The following SLC31A1 variants were observed in gnomAD, a reference collection of about 807,000 sequenced individuals.
SLC31A1 encodes solute carrier family 31 member 1.
Under a neutral mutation model 17.2 loss-of-function variants are expected in SLC31A1, and 5 were observed. The observed-to-expected ratio is 0.29, with a 90% CI of 0.15 to 0.61. The LOEUF is 0.61. Ranked by LOEUF, SLC31A1 falls within the 20% of genes least tolerant of loss-of-function variation. The pLI, the probability that SLC31A1 is intolerant of heterozygous loss-of-function variation, is 0.86. For missense variants in SLC31A1, 161 were observed against 241.4 expected (o/e 0.67, Z 2.21); for synonymous variants, 76 against 78.8 (o/e 0.96, Z 0.19).
chr9:113,236,180 G>A (rs371285919), intron 1 of SLC31A1, among the ~76,000 whole-genome samples: 2 of 152,060 alleles, frequency 1.3e-5, no homozygotes, highest in African/African-American at 2.4e-5. Context: ...TAGAGACAGC[G>A]TTTTGCCATG....
chr9:113,221,587 T>C lies in SLC31A1; in HGVS notation c.-127T>C. The C allele has an allele frequency of 2.4e-6, 1 of 422,548 alleles. No individual in the cohort carries two copies. Among genetic ancestry groups the C allele is most frequent in the East Asian group, 5.4e-5 (1 of 18,466 alleles). The allele number at this position is 422,548 out of a possible 1,614,324, so 26.2% of individuals were successfully genotyped here. On this transcript the variant is annotated 5_prime_UTR_variant, in exon 1 of 5. Transcript: ENST00000374212. ...GCGGTGGTGGACACGTCGAGCCGGG[T>C]AGAAGTGGAGGGGCCGTTCGAAGAG...
rs1266312390 is a variant in SLC31A1 at position 113,252,976 on chromosome 9, C to T, written c.-35-3138C>T. ...TTTCTTTTTTTTTTTTTTTTTGAGA[C>T]GGAGTCTTGCTCTGTAGCCCAAGCT... On this transcript the variant is annotated intron_variant, in intron 1 of 4. Coordinates refer to ENST00000374212, the MANE Select transcript of SLC31A1 (RefSeq NM_001859.4). Among the ~76,000 whole-genome samples, 4 of 118,472 alleles carry T rather than the reference C, an allele frequency of 3.4e-5. No homozygotes were observed. The East Asian group carries it at 7.6e-4, about 23-fold the overall frequency. 77.7% of individuals were successfully genotyped at this position (118,472 alleles called of 152,430 possible). A position where few individuals can be genotyped will look rare whatever the true frequency, so the allele number is the denominator to read the frequency against.
intron 1 of SLC31A1, among the ~76,000 whole-genome samples, chr9:113,228,560 ATCT>A (rs1395397428): frequency 2.6e-5 from 4 of 152,208 alleles, no homozygotes; most frequent in Admixed American, 6.5e-5. Flanking sequence ...TGTACACTTG[ATCT>A]TCTTTGTACA....
At chr9:113,251,826 G>A (rs769244517) in intron 1 of SLC31A1, among the ~76,000 whole-genome samples, 20 of 152,150 alleles carry the variant, frequency 1.3e-4, no homozygotes, top group South Asian at 2.1e-4. Context: ...TTTAGTGAGC[G>A]TAAGGACTTA....
intron 1 of SLC31A1, among the ~76,000 whole-genome samples, chr9:113,238,488 G>A (rs899692169): frequency 1.3e-5 from 2 of 152,196 alleles, no homozygotes; most frequent in Non-Finnish European, 2.9e-5. Context: ...AAGGCTGGGT[G>A]CGGTGGTTCA....
intron 1 of SLC31A1, 75 bp from the exon 2 acceptor site, chr9:113,256,039 C>T: frequency 8.8e-7 from 1 of 1,130,490 alleles, no homozygotes; most frequent in African/African-American, 1.6e-5. Flanking sequence ...AGCAAGATTC[C>T]ATCTCTAAAA....
chr9:113,249,704 A>T (rs1367535885), intron 1 of SLC31A1, among the ~76,000 whole-genome samples: 1 of 152,184 alleles, frequency 6.6e-6, no homozygotes, highest in Non-Finnish European at 1.5e-5. Context: ...TATAAGCTCA[A>T]CTTGGTAAAT....
chr9:113,241,677 C>T (rs1373265533), intron 1 of SLC31A1, among the ~76,000 whole-genome samples: 1 of 152,022 alleles, frequency 6.6e-6, no homozygotes, highest in Non-Finnish European at 1.5e-5. Flanking sequence ...CTTTGCAGAC[C>T]GAATTGTTTG....
At position 113,260,257 on chromosome 9, in the gene SLC31A1, C is replaced by G. The variant is rs1265765822; in HGVS notation, c.372-15C>G. Reference sequence around the variant, plus strand: ...CTAGGAGTCCCTGATTGTTGTGTCCCTGTTTACTCTCCAGGCAACAGATGC... The same window carrying G: ...CTAGGAGTCCCTGATTGTTGTGTCCGTGTTTACTCTCCAGGCAACAGATGC... On this transcript the variant is annotated splice_polypyrimidine_tract_variant and intron_variant, in intron 4 of 4. Coordinates refer to ENST00000374212, the MANE Select transcript of SLC31A1 (RefSeq NM_001859.4). 6.2e-7 allele frequency: 1 copy of G among 1,612,536 alleles called. No homozygotes were observed. The highest frequency in any genetic ancestry group is 8.5e-7 in the Non-Finnish European group (1 of 1,178,658).
chr9:113,230,890 T>C (rs758120253), intron 1 of SLC31A1, among the ~76,000 whole-genome samples: 2 of 152,142 alleles, frequency 1.3e-5, no homozygotes, highest in Non-Finnish European at 2.9e-5. Context: ...CCTCATTCTC[T>C]TTCTAGGTAC....
chr9:113,229,556 A>G (rs759056935), intron 1 of SLC31A1, among the ~76,000 whole-genome samples: 8 of 151,596 alleles, frequency 5.3e-5, no homozygotes, highest in Admixed American at 1.3e-4. Context: ...ATCAATGAAC[A>G]TTTAGGTTGT....
intron 1 of SLC31A1, among the ~76,000 whole-genome samples, chr9:113,222,206 A>G (rs1407452319): frequency 1.3e-5 from 2 of 152,170 alleles, no homozygotes; most frequent in Non-Finnish European, 2.9e-5. Flanking sequence ...CCTCGAGGAA[A>G]GTCCCCTTTC....
rs1244112503 is a variant in SLC31A1, at chr9:113,237,620, A to T, written c.-36+15942A>T. ...GCTTGAGGTCAGAATCAGGCTTCTA[A>T]TGATGACCACTAGACTAACTGCCCT... On this transcript the variant is annotated intron_variant, in intron 1 of 4. Coordinates refer to ENST00000374212, the MANE Select transcript of SLC31A1 (RefSeq NM_001859.4). Among the ~76,000 whole-genome samples, 3 of 152,224 alleles carry T rather than the reference A, an allele frequency of 2.0e-5. No individual in the cohort carries two copies. In the East Asian group the frequency reaches 5.8e-4, roughly 29 times the overall value.
chr9:113,249,236 A>T (rs1268368721), intron 1 of SLC31A1, among the ~76,000 whole-genome samples: 1 of 151,204 alleles, frequency 6.6e-6, no homozygotes, highest in Non-Finnish European at 1.5e-5. Flanking sequence ...TATTGCAAAG[A>T]TGATTCTCCA....
At chr9:113,248,936 T>A (rs1831615660) in intron 1 of SLC31A1, among the ~76,000 whole-genome samples, 1 of 152,210 alleles carries the variant, frequency 6.6e-6, no homozygotes, top group Non-Finnish European at 1.5e-5. Flanking sequence ...CTACTCAAGT[T>A]CTTTTATCCC....
At position 113,245,048 on chromosome 9, in the gene SLC31A1, C is replaced by T. The variant is rs529948210; in HGVS notation, c.-35-11066C>T. 2.6e-5 allele frequency among the ~76,000 whole-genome samples: 4 copies of T among 152,064 alleles called. No individual in the cohort carries two copies. In the South Asian group the frequency reaches 6.2e-4, roughly 24 times the overall value. ...TCTTTAAGTTTTTGCCAGTTCTGGC[C>T]GAGACCCATAGTTTAATCAAGGCTA... On this transcript the variant is annotated intron_variant, in intron 1 of 4. Transcript: ENST00000374212.
rs1439044487 is a variant in SLC31A1 at position 113,261,447 on chromosome 9, C to T, written c.*974C>T. 6.6e-6 allele frequency: 1 copy of T among 152,508 alleles called. No homozygotes were observed. The highest frequency in any genetic ancestry group is 1.5e-5 in the Non-Finnish European group (1 of 68,034). The allele number at this position is 152,508 out of a possible 1,614,324, so 9.4% of individuals were successfully genotyped here. A position where few individuals can be genotyped will look rare whatever the true frequency, so the allele number is the denominator to read the frequency against. On this transcript the variant is annotated 3_prime_UTR_variant, in exon 5 of 5. Transcript: ENST00000374212. ...GATGGCTGATGCATCGACTTGCATTCCCACTTAACACTTTGATTAGCATGA... is the reference window on the plus strand; with the variant it reads ...GATGGCTGATGCATCGACTTGCATTTCCACTTAACACTTTGATTAGCATGA...
intron 1 of SLC31A1, among the ~76,000 whole-genome samples, chr9:113,244,016 G>A (rs768671794): frequency 3.3e-5 from 5 of 151,854 alleles, no homozygotes; most frequent in Non-Finnish European, 1.5e-5. Context: ...TTAGCCAGGC[G>A]TGGTGGTGGG....
intron 1 of SLC31A1, among the ~76,000 whole-genome samples, chr9:113,237,282 G>T (rs1041326033): frequency 1.3e-5 from 2 of 152,140 alleles, no homozygotes; most frequent in African/African-American, 2.4e-5. Flanking sequence ...CTCTGGAGGG[G>T]GGTAACGATT....
Sources: gnomAD v4.1 joint callset for allele counts (sites outside exome capture counted in the v4.1 genomes callset) on GRCh38, gnomAD v4.1.1 for gene constraint, MANE v1.5 for transcripts, NCBI Gene and HGNC (gene_info 2026-07-23, HGNC 2026-07-21) for gene names.